SGCZ: variants seen among roughly 807,000 people sequenced by gnomAD.
SGCZ encodes sarcoglycan zeta, also known as zeta-sarcoglycan.
In SGCZ, 40 loss-of-function variants were observed where a neutral mutation model predicts 41.3. The observed-to-expected ratio is 0.97, with a 90% confidence interval of 0.75 to 1.26. SGCZ has a LOEUF of 1.26. Among genes scored for constraint, SGCZ ranks in the 50% most tolerant of loss-of-function variants. The pLI is 0.00. For synonymous variants in SGCZ, 206 were observed against 137.5 expected (o/e 1.50, Z -3.49); for missense variants, 552 against 369.8 (o/e 1.49, Z -4.04).
chr8:14,815,644 T>C (rs990477152), intron 1 of SGCZ, among the ~76,000 whole-genome samples: 4 of 152,184 alleles, frequency 2.6e-5, no homozygotes, highest in African/African-American at 9.6e-5. Flanking sequence ...CTATTCCTGT[T>C]CAAACTACTA....
At chr8:14,346,739 TAATA>T (rs1047602798) in intron 2 of SGCZ, among the ~76,000 whole-genome samples, 8 of 152,068 alleles carry the variant, frequency 5.3e-5, no homozygotes, top group African/African-American at 1.9e-4. Context: ...GACCATACTT[TAATA>T]TATTTAATAA....
intron 2 of SGCZ, among the ~76,000 whole-genome samples, chr8:14,450,560 T>G (rs1272385919): frequency 6.6e-6 from 1 of 152,204 alleles, no homozygotes; most frequent in African/African-American, 2.4e-5. Context: ...TTTAGTTAAA[T>G]GTATCATCTG....
At chr8:14,615,706 A>C (rs1478466690) in intron 1 of SGCZ, among the ~76,000 whole-genome samples, 2 of 152,192 alleles carry the variant, frequency 1.3e-5, no homozygotes, top group African/African-American at 2.4e-5. Context: ...CCTTAAATAA[A>C]GCAATAGTTA....
intron 1 of SGCZ, among the ~76,000 whole-genome samples, chr8:15,026,133 A>G (rs888425494): frequency 4.6e-5 from 7 of 152,150 alleles, no homozygotes; most frequent in African/African-American, 1.7e-4. Context: ...AAAAAAAAAA[A>G]AGGACTTTTG....
At chr8:14,697,158 T>C (rs745640743) in intron 1 of SGCZ, among the ~76,000 whole-genome samples, 1 of 152,016 alleles carries the variant, frequency 6.6e-6, no homozygotes, top group Non-Finnish European at 1.5e-5. Context: ...AAAATAATAA[T>C]GGTGGTCTCA....
chr8:15,100,929 C>G (rs953371834), intron 1 of SGCZ, among the ~76,000 whole-genome samples: 2 of 151,924 alleles, frequency 1.3e-5, no homozygotes, highest in Non-Finnish European at 2.9e-5. Flanking sequence ...TGAACCATGA[C>G]TGCATTACTG....
At chr8:14,349,136 G>A (rs888051746) in intron 2 of SGCZ, among the ~76,000 whole-genome samples, 3 of 151,972 alleles carry the variant, frequency 2.0e-5, no homozygotes, top group Admixed American at 2.0e-4. Flanking sequence ...TTTAACATTC[G>A]TATGTTGTCA....
At position 15,084,473 on chromosome 8, in the gene SGCZ, A is replaced by G. The variant is rs184223947; in HGVS notation, c.39+153112T>C. Reference sequence around the variant, plus strand: ...TTCCCAAAAAATCAGGATCCTAGCCAGGCACGGTGGCTCACGCCTGTAATC... The same window carrying G: ...TTCCCAAAAAATCAGGATCCTAGCCGGGCACGGTGGCTCACGCCTGTAATC... On this transcript the variant is annotated intron_variant, in intron 1 of 7. Transcript: ENST00000382080. 4.8e-3 allele frequency among the ~76,000 whole-genome samples: 735 copies of G among 152,246 alleles called. 4 individuals are homozygous for G. Among genetic ancestry groups the G allele is most frequent in the African/African-American group, 0.015 (613 of 41,544 alleles).
intron 1 of SGCZ, among the ~76,000 whole-genome samples, chr8:15,186,073 AT>A (rs1272465967): frequency 3.3e-4 from 47 of 143,200 alleles, no homozygotes; most frequent in African/African-American, 9.6e-4. Context: ...AATAAAAAAA[AT>A]AAATAAATAA....
intron 1 of SGCZ, among the ~76,000 whole-genome samples, chr8:14,672,638 G>C (rs1808141420): frequency 6.6e-6 from 1 of 152,136 alleles, no homozygotes; most frequent in African/African-American, 2.4e-5. Context: ...TACAAGAAAA[G>C]CTTTTTGGAG....
chr8:14,904,641 G>A, intron 1 of SGCZ, among the ~76,000 whole-genome samples: 1 of 151,858 alleles, frequency 6.6e-6, no homozygotes, highest in South Asian at 2.1e-4. Flanking sequence ...AATTTATTGA[G>A]GGTTTTAGTG....
chr8:14,618,743 A>T (rs6981363), intron 1 of SGCZ, among the ~76,000 whole-genome samples: 1 of 151,986 alleles, frequency 6.6e-6, no homozygotes, highest in African/African-American at 2.4e-5. Context: ...GGTGCTCATG[A>T]AGGGTAATAG....
intron 1 of SGCZ, among the ~76,000 whole-genome samples, chr8:15,102,157 C>T (rs949808301): frequency 2.6e-5 from 4 of 152,136 alleles, no homozygotes; most frequent in African/African-American, 9.7e-5. Context: ...TACAAACAAC[C>T]AAGGTGTCCT....
At chr8:14,647,080 T>C (rs1240773026) in intron 1 of SGCZ, among the ~76,000 whole-genome samples, 2 of 151,982 alleles carry the variant, frequency 1.3e-5, no homozygotes, top group East Asian at 1.9e-4. Context: ...GCCCATTTTG[T>C]GTTAGGACTT....
At chr8:15,111,952 C>A (rs1807081590) in intron 1 of SGCZ, among the ~76,000 whole-genome samples, 1 of 151,762 alleles carries the variant, frequency 6.6e-6, no homozygotes, top group Non-Finnish European at 1.5e-5. Context: ...TATTTCATTC[C>A]TTCGTTACTT....
intron 1 of SGCZ, among the ~76,000 whole-genome samples, chr8:15,109,785 G>C (rs949309698): frequency 1.3e-5 from 2 of 152,068 alleles, no homozygotes; most frequent in African/African-American, 2.4e-5. Context: ...TATTATTATT[G>C]TTGCTGTTAA....
chr8:15,145,855 T>C (rs554891), intron 1 of SGCZ, among the ~76,000 whole-genome samples: 65,069 of 152,020 alleles, frequency 0.43, 14,550 homozygotes, highest in Non-Finnish European at 0.5. Flanking sequence ...TTTATGATTA[T>C]CAAGGAGGTT....
intron 1 of SGCZ, among the ~76,000 whole-genome samples, chr8:15,157,158 A>G (rs934807742): frequency 1.3e-5 from 2 of 152,156 alleles, no homozygotes; most frequent in African/African-American, 4.8e-5. Context: ...GCTAAGGCCC[A>G]ATATTACATA....
intron 1 of SGCZ, among the ~76,000 whole-genome samples, chr8:14,679,555 C>T (rs1808379240): frequency 6.6e-6 from 1 of 151,344 alleles, no homozygotes; most frequent in African/African-American, 2.4e-5. Flanking sequence ...ACATAAAATA[C>T]TTTGTGCATC....
Sources: allele counts gnomAD v4.1 joint callset (sites outside exome capture counted in the v4.1 genomes callset), GRCh38; gene constraint gnomAD v4.1.1; transcripts MANE v1.5; gene names NCBI Gene and HGNC (gene_info 2026-07-23, HGNC 2026-07-21).